The following KPNA4 variants were observed in gnomAD, a reference collection of about 807,000 sequenced individuals.
The protein encoded by KPNA4 is importin subunit alpha-3.
A neutral mutation model predicts 71.3 loss-of-function variants in KPNA4; 13 were observed. The ratio of observed to expected loss-of-function variants is 0.18; its 90% confidence interval spans 0.12 to 0.29. The LOEUF (loss-of-function observed/expected upper bound fraction) is 0.29. Among genes scored for constraint, KPNA4 ranks in the 10% least tolerant of loss-of-function variants. The probability of loss-of-function intolerance (pLI) is 1.00; values close to 1 mark genes in which losing one functional copy is unlikely to be tolerated. For synonymous variants in KPNA4, 189 were observed against 195.2 expected (o/e 0.97, Z 0.26); for missense variants, 334 against 603.2 (o/e 0.55, Z 4.67).
In KPNA4 at chr3:160,502,065, T is replaced by C. The variant is rs1229006145; in HGVS notation, c.*39A>G. ...ACACACACACATATATATATATATA[T>C]CTCAGTGCTGCATTGTACCTAACTT... On this transcript the variant is annotated 3_prime_UTR_variant, in exon 17 of 17. Transcript: ENST00000334256. 2.5e-6 allele frequency: 2 copies of C among 800,344 alleles called. No homozygotes were observed. Among genetic ancestry groups the C allele is most frequent in the Non-Finnish European group, 4.2e-6 (2 of 479,568 alleles). The allele number at this position is 800,344 out of a possible 1,614,324, so 49.6% of individuals were successfully genotyped here. A position where few individuals can be genotyped will look rare whatever the true frequency, so the allele number is the denominator to read the frequency against.
intron 7 of KPNA4, 80 bp downstream of exon 7, chr3:160,530,775 T>C (rs1439885725): frequency 2.5e-5 from 23 of 911,288 alleles, no homozygotes; most frequent in Non-Finnish European, 3.8e-5. Flanking sequence ...TAAATTGCCA[T>C]AGTCTTTTGG....
chr3:160,526,627 A>G (rs1328429531), intron 8 of KPNA4, among the ~76,000 whole-genome samples: 1 of 152,192 alleles, frequency 6.6e-6, no homozygotes, highest in African/African-American at 2.4e-5. Context: ...GTGTTTTAAC[A>G]AGCACCCCAT....
In KPNA4 at chr3:160,533,317, C is replaced by T. The variant is rs200116324; in HGVS notation, c.288-1760G>A. On this transcript the variant is annotated intron_variant, in intron 5 of 16. Coordinates refer to ENST00000334256, the MANE Select transcript of KPNA4 (RefSeq NM_002268.5). ...TGGGATTACAGGCGTTAAGCCACCG[C>T]GCCCAGCCCCCTATTTTTTAAAATA... 5.3e-5 allele frequency among the ~76,000 whole-genome samples: 8 copies of T among 152,206 alleles called. No individual in the cohort carries two copies. In the East Asian group the frequency reaches 9.7e-4, roughly 18 times the overall value.
intron 10 of KPNA4, among the ~76,000 whole-genome samples, chr3:160,523,075 A>G (rs981946847): frequency 1.3e-5 from 2 of 152,250 alleles, no homozygotes; most frequent in Non-Finnish European, 2.9e-5. Flanking sequence ...CAAATTATTG[A>G]CAAAGACATG....
intron 8 of KPNA4, among the ~76,000 whole-genome samples, chr3:160,527,635 A>G (rs1367800108): frequency 1.3e-5 from 2 of 152,156 alleles, no homozygotes; most frequent in East Asian, 3.8e-4. Context: ...AAGGGACCCC[A>G]CTGATCAACA....
At chr3:160,559,930 T>C (rs183825450) in intron 1 of KPNA4, among the ~76,000 whole-genome samples, 91 of 152,228 alleles carry the variant, frequency 6.0e-4, no homozygotes, top group African/African-American at 2.1e-3. Context: ...ACAGTTCTCA[T>C]ATTAACCACA....
At chr3:160,505,792 G>A (rs1720972390) in intron 15 of KPNA4, among the ~76,000 whole-genome samples, 1 of 152,068 alleles carries the variant, frequency 6.6e-6, no homozygotes, top group Non-Finnish European at 1.5e-5. Flanking sequence ...TAAAAAATCT[G>A]GCTACTACAC....
Position 160,514,077 on chromosome 3 carries a change from C to T in KPNA4, c.1137G>A (p.Lys379=). The part of the protein sequence containing the change: ...LVPMIIHLLD[K]GDFGTQKEAA... ...GATACATATAACATGATTTTCTTAC[C>T]TTATCCAAAAGGTGTATTATCATTG... The change falls in exon 13 of 17, where the codon AAG becomes AAA. Residue 379 remains lysine, a splice_region_variant and synonymous_variant. Coordinates refer to ENST00000334256, the MANE Select transcript of KPNA4 (RefSeq NM_002268.5). 1 of 1,533,748 alleles carries T rather than the reference C, an allele frequency of 6.5e-7. No individual in the cohort carries two copies. The highest frequency in any genetic ancestry group is 8.8e-7 in the Non-Finnish European group (1 of 1,141,406).
Position 160,502,150 on chromosome 3 carries a change from C to T in KPNA4, c.1520G>A (p.Gly507Asp). The T allele has an allele frequency of 1.3e-6, 2 of 1,597,458 alleles. No individual in the cohort carries two copies. The highest frequency in any genetic ancestry group is 1.7e-6 in the Non-Finnish European group (2 of 1,169,900). Residue 507 changes from glycine to aspartate, a missense_variant, in exon 17 of 17, where the codon GGT (glycine) becomes GAT (aspartate). By Grantham distance (94) the Gly-to-Asp change is moderately conservative. Transcript: ENST00000334256. ...TGGTACATTGGCAGATGAATTGAAA[C>T]CAAATGTTCCGCCTTGAATTGCCTC... Reference protein sequence around the residue: ...VPEAIQGGTFGFNSSANVPTE... With the variant: ...VPEAIQGGTFDFNSSANVPTE...
At position 160,495,252 on chromosome 3, in the gene KPNA4, C is replaced by T. The variant is rs1338210669; in HGVS notation, c.*6852G>A. ...GGGATGGCAAGGATGATAGGTAGGC[C>T]TGGATATACTCCTGACTTCTTGAAG... On this transcript the variant is annotated 3_prime_UTR_variant, in exon 17 of 17. Transcript: ENST00000334256. 1 of 152,026 alleles carries T rather than the reference C, an allele frequency of 6.6e-6. No individual in the cohort carries two copies. Among genetic ancestry groups the T allele is most frequent in the African/African-American group, 2.4e-5 (1 of 41,368 alleles). 9.4% of individuals were successfully genotyped at this position (152,026 alleles called of 1,614,324 possible). A position where few individuals can be genotyped will look rare whatever the true frequency, so the allele number is the denominator to read the frequency against.
rs1202596148 is a variant in KPNA4 at position 160,498,173 on chromosome 3, C to G, written c.*3931G>C. ...GGAAGGGTTGGGACAGACTGTAATT[C>G]ATGGACTCTTATGAATCCCCTAAAA... On this transcript the variant is annotated 3_prime_UTR_variant, in exon 17 of 17. Coordinates refer to ENST00000334256, the MANE Select transcript of KPNA4 (RefSeq NM_002268.5). The G allele has an allele frequency of 6.6e-6, 1 of 152,170 alleles. No homozygotes were observed. The highest frequency in any genetic ancestry group is 1.5e-5 in the Non-Finnish European group (1 of 68,036). 9.4% of individuals were successfully genotyped at this position (152,170 alleles called of 1,614,324 possible).
intron 1 of KPNA4, among the ~76,000 whole-genome samples, chr3:160,550,468 T>C (rs896425955): frequency 3.9e-5 from 6 of 152,138 alleles, no homozygotes; most frequent in African/African-American, 1.4e-4. Context: ...TCTTGCTATA[T>C]TGCCTAGGCT....
chr3:160,526,208 C>G, intron 8 of KPNA4, 101 bp from the exon 9 acceptor site: 1 of 822,400 alleles, frequency 1.2e-6, no homozygotes, highest in East Asian at 2.8e-5. Context: ...TGTATTTTAT[C>G]CAGATACACT....
chr3:160,536,057 CTG>C (rs1368102831), intron 2 of KPNA4, among the ~76,000 whole-genome samples, 160 bp from the exon 3 acceptor site: 1 of 151,960 alleles, frequency 6.6e-6, no homozygotes, highest in East Asian at 1.9e-4. Context: ...TTAAACCAAA[CTG>C]TGAATTAACC....
chr3:160,552,130 CA>C (rs1265045810), intron 1 of KPNA4, among the ~76,000 whole-genome samples: 1 of 151,900 alleles, frequency 6.6e-6, no homozygotes, highest in African/African-American at 2.4e-5. Flanking sequence ...AAATTAAGTT[CA>C]AATATGTTTG....
chr3:160,503,600 T>C (rs1461685391), intron 16 of KPNA4, among the ~76,000 whole-genome samples: 1 of 152,188 alleles, frequency 6.6e-6, no homozygotes, highest in Admixed American at 6.5e-5. Context: ...TCCACAATAT[T>C]ACAAACCTGT....
intron 1 of KPNA4, among the ~76,000 whole-genome samples, chr3:160,557,057 C>G (rs984618808): frequency 1.3e-5 from 2 of 152,132 alleles, no homozygotes; most frequent in South Asian, 2.1e-4. Flanking sequence ...CTCAAGGAAC[C>G]AAATCCTCTG....
At chr3:160,511,711 T>C (rs1560044862) in intron 13 of KPNA4, among the ~76,000 whole-genome samples, 1 of 120,216 alleles carries the variant, frequency 8.3e-6, no homozygotes, top group East Asian at 2.0e-4. Flanking sequence ...GGCTTTGTTA[T>C]TTTTATATAT....
At chr3:160,534,995 T>C (rs1032110479) in intron 5 of KPNA4, among the ~76,000 whole-genome samples, 1 of 152,108 alleles carries the variant, frequency 6.6e-6, no homozygotes, top group African/African-American at 2.4e-5. Context: ...GTGCTGGGAT[T>C]ACAGGTGTGA....
Sources: gnomAD v4.1 joint callset for allele counts (sites outside exome capture counted in the v4.1 genomes callset) on GRCh38, gnomAD v4.1.1 for gene constraint, MANE v1.5 for transcripts, NCBI Gene and HGNC (gene_info 2026-07-23, HGNC 2026-07-21) for gene names.